The following ALDH1A2 variants were observed in gnomAD, a reference collection of about 807,000 sequenced individuals.
ALDH1A2 encodes aldehyde dehydrogenase 1 family member A2.
A neutral mutation model predicts 60.3 loss-of-function variants in ALDH1A2; 27 were observed. That is an observed-to-expected ratio of 0.45 (90% CI 0.33 to 0.62). The LOEUF is 0.62. ALDH1A2 is among the 20% of genes least tolerant of loss of function. ALDH1A2 has a pLI of 0.02. For synonymous variants in ALDH1A2, 289 were observed against 232.4 expected, an observed-to-expected ratio of 1.24 and a Z score of -2.21; for missense variants, 581 against 643.8, an observed-to-expected ratio of 0.90 and a Z score of 1.06.
At chr15:58,039,650 A>G (rs1273134880) in intron 1 of ALDH1A2, among the ~76,000 whole-genome samples, 1 of 151,852 alleles carries the variant, frequency 6.6e-6, no homozygotes, top group Admixed American at 6.6e-5. Context: ...ATTTCTTTAT[A>G]ATAGAGACAT....
chr15:58,043,169 C>T (rs1269747056), intron 1 of ALDH1A2, among the ~76,000 whole-genome samples: 1 of 151,884 alleles, frequency 6.6e-6, no homozygotes, highest in Non-Finnish European at 1.5e-5. Flanking sequence ...TGAAGGAAGG[C>T]TAACCATGGC....
intron 7 of ALDH1A2, among the ~76,000 whole-genome samples, chr15:57,967,855 A>C (rs543845422): frequency 6.6e-6 from 1 of 152,198 alleles, no homozygotes; most frequent in Admixed American, 6.5e-5. Context: ...ACCTGGTCTC[A>C]GTAAAGGCCC....
chr15:58,008,801 T>A (rs1255114898), intron 4 of ALDH1A2, among the ~76,000 whole-genome samples: 2 of 152,122 alleles, frequency 1.3e-5, no homozygotes, highest in Non-Finnish European at 1.5e-5. Flanking sequence ...AAGACTGACA[T>A]GTGTCCCACT....
intron 1 of ALDH1A2, among the ~76,000 whole-genome samples, chr15:58,060,401 C>A (rs2140585827): frequency 1.3e-5 from 2 of 149,950 alleles, no homozygotes; most frequent in Middle Eastern, 6.9e-3. Flanking sequence ...ACTATTATCT[C>A]AATGATGACA....
At chr15:57,991,880 C>T (rs531618592) in intron 7 of ALDH1A2, among the ~76,000 whole-genome samples, 1 of 152,238 alleles carries the variant, frequency 6.6e-6, no homozygotes, top group East Asian at 1.9e-4. Flanking sequence ...TCAGACTTTC[C>T]TATCATCTGT....
At chr15:58,033,068 T>C (rs1482303645) in intron 1 of ALDH1A2, among the ~76,000 whole-genome samples, 4 of 151,944 alleles carry the variant, frequency 2.6e-5, no homozygotes, top group Non-Finnish European at 5.9e-5. Context: ...AGGATACCTA[T>C]AGTAAGATAG....
chr15:58,065,181 C>T (rs944801449), intron 1 of ALDH1A2: 6 of 305,626 alleles, frequency 2.0e-5, no homozygotes. Context: ...CGGGGAACCC[C>T]GGCCTCCATC....
chr15:57,974,432 CAAAAAAAAAAA>C (rs61170362), intron 7 of ALDH1A2, among the ~76,000 whole-genome samples: 1 of 96,720 alleles, frequency 1.0e-5, no homozygotes, highest in South Asian at 4.7e-4. Flanking sequence ...GACTCCATCT[CAAAAAAAAAAA>C]AAAAAAAAAA....
At chr15:57,962,572 C>A (rs532574286) in intron 9 of ALDH1A2, among the ~76,000 whole-genome samples, 108 of 151,992 alleles carry the variant, frequency 7.1e-4, no homozygotes, top group African/African-American at 2.5e-3. Flanking sequence ...AAAATTAGCA[C>A]ACAGCCTTTT....
intron 1 of ALDH1A2, among the ~76,000 whole-genome samples, chr15:58,025,746 G>C (rs986424466): frequency 3.9e-5 from 6 of 152,236 alleles, no homozygotes; most frequent in Non-Finnish European, 5.9e-5. Context: ...TAGGGTGCCA[G>C]CATCTGCTCT....
intron 4 of ALDH1A2, among the ~76,000 whole-genome samples, chr15:58,008,127 A>C (rs556119449): frequency 3.7e-4 from 56 of 152,186 alleles, no homozygotes; most frequent in South Asian, 1.2e-3. Context: ...TTGAGACACC[A>C]TGGAGAGAGC....
intron 1 of ALDH1A2, among the ~76,000 whole-genome samples, chr15:58,036,966 G>A (rs1242384437): frequency 6.6e-6 from 1 of 151,720 alleles, no homozygotes; most frequent in Non-Finnish European, 1.5e-5. Context: ...GGCCTGATCA[G>A]CCCTTCTTTA....
chr15:58,045,571 A>G (rs1423837799), intron 1 of ALDH1A2, among the ~76,000 whole-genome samples: 2 of 152,142 alleles, frequency 1.3e-5, no homozygotes, highest in African/African-American at 4.8e-5. Context: ...GCCATAAAAA[A>G]GGATGAGTTC....
chr15:58,022,846 C>G (rs1311329690), intron 1 of ALDH1A2, among the ~76,000 whole-genome samples: 6 of 152,080 alleles, frequency 3.9e-5, no homozygotes, highest in African/African-American at 1.4e-4. Context: ...CATATATACA[C>G]CTTCAGGAAA....
At chr15:57,988,307 A>G (rs1595643325) in intron 7 of ALDH1A2, among the ~76,000 whole-genome samples, 1 of 152,220 alleles carries the variant, frequency 6.6e-6, no homozygotes, top group South Asian at 2.1e-4. Context: ...ACTAAAGCAA[A>G]CACTTTAAAA....
intron 1 of ALDH1A2, among the ~76,000 whole-genome samples, chr15:58,037,110 C>T (rs181243441): frequency 8.2e-4 from 124 of 151,782 alleles, no homozygotes; most frequent in Non-Finnish European, 1.3e-3. Context: ...GGATTCTTAA[C>T]AACAGCCTCT....
chr15:57,992,519 A>C (rs187794591), intron 7 of ALDH1A2, among the ~76,000 whole-genome samples, 186 bp downstream of exon 7: 2 of 152,308 alleles, frequency 1.3e-5, no homozygotes, highest in Admixed American at 1.3e-4. Context: ...TGTGGGGTCA[A>C]ATGGTCCCTG....
chr15:58,027,018 A>G (rs960733578), intron 1 of ALDH1A2, among the ~76,000 whole-genome samples: 17 of 152,210 alleles, frequency 1.1e-4, no homozygotes, highest in Non-Finnish European at 2.5e-4. Context: ...CTCTGAAGAC[A>G]GCAGTGGTTT....
At chr15:58,038,550 C>T (rs112196916) in intron 1 of ALDH1A2, 1 of 151,778 alleles carries the variant, frequency 6.6e-6, no homozygotes, top group African/African-American at 2.4e-5. Flanking sequence ...TGTCTCTTGA[C>T]ATCTGTTTTA....
Sources: allele counts gnomAD v4.1 joint callset (sites outside exome capture counted in the v4.1 genomes callset), GRCh38; gene constraint gnomAD v4.1.1; transcripts MANE v1.5; gene names NCBI Gene and HGNC (gene_info 2026-07-23, HGNC 2026-07-21).